NCOR2: variants seen among roughly 807,000 people sequenced by gnomAD.
The protein encoded by NCOR2 is nuclear receptor corepressor 2.
In NCOR2, 81 loss-of-function variants were observed where a neutral mutation model predicts 262.9. That is an observed-to-expected ratio of 0.31 (90% confidence interval 0.26 to 0.37). NCOR2 has a LOEUF of 0.37. NCOR2 is among the 10% of genes least tolerant of loss of function. The pLI is 1.00. For synonymous variants in NCOR2, 1,659 were observed against 1,559.3 expected (o/e 1.06, Z -1.51); for missense variants, 3,385 against 3,621.4 (o/e 0.93, Z 1.68).
chr12:124,439,876 G>T (rs2044713221), intron 7 of NCOR2, among the ~76,000 whole-genome samples: 1 of 152,234 alleles, frequency 6.6e-6, no homozygotes, highest in African/African-American at 2.4e-5. Flanking sequence ...AAAGGGGACA[G>T]GGACCCTGAG....
chr12:124,402,566 C>T lies in NCOR2; in HGVS notation c.1483-5G>A, dbSNP rs765123428. On this transcript the variant is annotated splice_polypyrimidine_tract_variant and splice_region_variant and intron_variant, in intron 13 of 46. Coordinates refer to ENST00000405201, the Ensembl canonical transcript of NCOR2. ...CTGCTGCTGTTGTTGCTGCTGCTGT[C>T]AGACCCCGGGGGAGGGCAGAGGGGA... is the stretch of plus-strand genomic sequence containing the variant. 6.5e-7 allele frequency: 1 copy of T among 1,545,452 alleles called. No homozygotes were observed. The highest frequency in any genetic ancestry group is 8.8e-7 in the Non-Finnish European group (1 of 1,141,932).
intron 13 of NCOR2, among the ~76,000 whole-genome samples, chr12:124,413,963 G>C (rs1283945268): frequency 6.6e-6 from 1 of 151,718 alleles, no homozygotes; most frequent in African/African-American, 2.4e-5. Flanking sequence ...ATATCAGAGG[G>C]TGTCTCCACA....
chr12:124,505,738 C>A (rs2049005550), intron 1 of NCOR2, among the ~76,000 whole-genome samples: 1 of 152,138 alleles, frequency 6.6e-6, no homozygotes, highest in Non-Finnish European at 1.5e-5. Context: ...GAGAGCGTGG[C>A]TGTTACTGCC....
At chr12:124,459,756 C>G (rs934103390) in intron 5 of NCOR2, among the ~76,000 whole-genome samples, 5 of 152,176 alleles carry the variant, frequency 3.3e-5, no homozygotes, top group African/African-American at 1.2e-4. Context: ...ACAGATTCAG[C>G]CTCATGCCAA....
intron 3 of NCOR2, among the ~76,000 whole-genome samples, chr12:124,477,084 G>C: frequency 6.6e-6 from 1 of 152,070 alleles, no homozygotes; most frequent in Non-Finnish European, 1.5e-5. Flanking sequence ...TGGTTGCCAG[G>C]AAAAAGGAGG....
At chr12:124,379,309 C>T (rs1421324650) in intron 17 of NCOR2, among the ~76,000 whole-genome samples, 2 of 152,218 alleles carry the variant, frequency 1.3e-5, no homozygotes, top group Non-Finnish European at 2.9e-5. Flanking sequence ...ACTCTTCTTC[C>T]CCCAGCTTAG....
intron 34 of NCOR2, 107 bp downstream of exon 36, chr12:124,341,716 C>A: frequency 6.7e-7 from 1 of 1,493,882 alleles, no homozygotes; most frequent in Non-Finnish European, 9.0e-7. Context: ...CACAAGGTGA[C>A]CCACAAGGTG....
Position 124,374,314 on chromosome 12 carries a change from C to T in NCOR2, c.2218+99G>A, listed in dbSNP as rs1362065466. 9 of 1,211,238 alleles carry T rather than the reference C, an allele frequency of 7.4e-6. No homozygotes were observed. The East Asian group carries it at 9.8e-5, about 13-fold the overall frequency. The allele number at this position is 1,211,238 out of a possible 1,614,324, so 75.0% of individuals were successfully genotyped here. On this transcript the variant is annotated intron_variant, in intron 19 of 46. Coordinates refer to ENST00000405201, the Ensembl canonical transcript of NCOR2. ...AAACGGTGGCGCTCACAGAAAGAGG[C>T]ATGTGCTCAGAAGCGGGGTTCCTTG... is the stretch of plus-strand genomic sequence containing the variant.
Position 124,502,028 on chromosome 12 carries a change from C to T in NCOR2, c.-117-6660G>A, listed in dbSNP as rs576030163. 2.0e-5 allele frequency among the ~76,000 whole-genome samples: 3 copies of T among 152,348 alleles called. No homozygotes were observed. In the East Asian group the frequency reaches 5.8e-4, roughly 29 times the overall value. ...TGTTGACACCTTGGGTGTTTACTTT[C>T]TGGCGTGCAGTAAAAACTGGGGAAC... is the stretch of plus-strand genomic sequence containing the variant. On this transcript the variant is annotated intron_variant, in intron 1 of 46. Transcript: ENST00000404621.
upstream of NCOR2, among the ~76,000 whole-genome samples, chr12:124,496,691 A>G (rs2048399312): frequency 6.6e-6 from 1 of 152,112 alleles, no homozygotes; most frequent in Non-Finnish European, 1.5e-5. This position sits in a 1 kb window ranked among gnomAD's most constrained non-coding sequence, Gnocchi z 4.4. Flanking sequence ...ACTGCCTCCC[A>G]GGCCCCACCT....
At position 124,566,022 on chromosome 12, in the gene NCOR2, G is replaced by A. The variant is rs1045663127; in HGVS notation, c.-165+1286C>T. Among the ~76,000 whole-genome samples, 1 of 152,126 alleles carries A rather than the reference G, an allele frequency of 6.6e-6. No individual in the cohort carries two copies. The highest frequency in any genetic ancestry group is 1.5e-5 in the Non-Finnish European group (1 of 68,028). On this transcript the variant is annotated intron_variant, in intron 1 of 32. Transcript: ENST00000458234. The surrounding 1 kb of genome is among the most constrained non-coding windows in gnomAD (Gnocchi z 4.3). ...ATATCAAAGCTGCCGCAAGGACCCA[G>A]ATCTGGCTGAAAAGGGGCAAAGTCA...
In NCOR2 at chr12:124,378,292, C is replaced by T. The variant is rs2136070199; in HGVS notation, c.2112G>A (p.Glu704=). The T allele has an allele frequency of 6.2e-7, 1 of 1,614,048 alleles. No homozygotes were observed. Residue 704 remains glutamate, a synonymous_variant, in exon 18 of 47, where the codon GAG becomes GAA. Transcript: ENST00000405201. The surrounding 1 kb of genome is among the most constrained non-coding windows in gnomAD (Gnocchi z 4.2). ...TTCCGCTCACGCCCGACGCCTCCAT[C>T]TCCTCATCCTCCACCACGGGCGGGA...
At position 124,523,841 on chromosome 12, in the gene NCOR2, C is replaced by T. The variant is rs116007516; in HGVS notation, c.-118+11724G>A. ...CAGTGAAGTGACTTGCCCAAGGGGA[C>T]GGGGCTGGGAAGTGGCAATGTCGGT... On this transcript the variant is annotated intron_variant, in intron 1 of 46. Coordinates refer to the NCOR2 transcript ENST00000404621. The surrounding 1 kb of genome is among the most constrained non-coding windows in gnomAD (Gnocchi z 4.0). Among the ~76,000 whole-genome samples, 107 of 152,228 alleles carry T rather than the reference C, an allele frequency of 7.0e-4. No individual in the cohort carries two copies. The highest frequency in any genetic ancestry group is 2.6e-3 in the African/African-American group (106 of 41,536).
In NCOR2 at chr12:124,505,856, G is replaced by A. The variant is rs138036383; in HGVS notation, c.-117-10488C>T. On this transcript the variant is annotated intron_variant, in intron 1 of 46. Coordinates refer to the NCOR2 transcript ENST00000404621. The stretch of plus-strand genomic sequence containing the variant: ...CTTGCAGATAGGCAAACTGAGTCTG[G>A]GAGGAGCCTGTGATTCTCAAGTGAG... Among the ~76,000 whole-genome samples the A allele has an allele frequency of 5.9e-5, 9 of 152,212 alleles. No individual in the cohort carries two copies. The East Asian group carries it at 1.7e-3, about 29-fold the overall frequency.
chr12:124,460,884 C>T (rs1461867027), intron 5 of NCOR2, among the ~76,000 whole-genome samples: 1 of 152,256 alleles, frequency 6.6e-6, no homozygotes, highest in African/African-American at 2.4e-5. Context: ...GACACTGTCT[C>T]CCTGGCTGCC....
intron 22 of NCOR2, among the ~76,000 whole-genome samples, chr12:124,360,742 T>A (rs1366179468): frequency 6.7e-6 from 1 of 149,440 alleles, no homozygotes; most frequent in Non-Finnish European, 1.5e-5. Flanking sequence ...TTCCCTGTGC[T>A]GTTCCCTCTG....
chr12:124,363,440 G>T (rs150407141), intron 21 of NCOR2, among the ~76,000 whole-genome samples: 1 of 152,220 alleles, frequency 6.6e-6, no homozygotes, highest in Non-Finnish European at 1.5e-5. Flanking sequence ...AGGGTGCTGC[G>T]GGGTGGAAGG....
rs12164834 is a variant in NCOR2, at chr12:124,335,130, G to A, written c.6411+5C>T. On this transcript the variant is annotated splice_donor_5th_base_variant and intron_variant, in intron 40 of 46. Coordinates refer to ENST00000405201, the Ensembl canonical transcript of NCOR2. ...GACAAGCAGCAGCAGAGAACGCGTA[G>A]TTACACTGATGTGCTGGGCCAGGGT... 1.2e-6 allele frequency: 2 copies of A among 1,612,238 alleles called. No individual in the cohort carries two copies. Among genetic ancestry groups the A allele is most frequent in the South Asian group, 2.2e-5 (2 of 91,060 alleles).
In NCOR2 at chr12:124,457,288, G is replaced by A. The variant is rs1052468388; in HGVS notation, c.706-126C>T. 9.3e-7 allele frequency: 1 copy of A among 1,076,746 alleles called. No homozygotes were observed. The highest frequency in any genetic ancestry group is 1.3e-6 in the Non-Finnish European group (1 of 777,596). The allele number at this position is 1,076,746 out of a possible 1,614,324, so 66.7% of individuals were successfully genotyped here. ...TCCAGCATGCTGATCCTCAGCACGGGGGAGGGAGGCCCGGGGCCCCCTGCA... is the reference window on the plus strand; with the variant it reads ...TCCAGCATGCTGATCCTCAGCACGGAGGAGGGAGGCCCGGGGCCCCCTGCA... On this transcript the variant is annotated intron_variant, in intron 5 of 46. Coordinates refer to ENST00000405201, the Ensembl canonical transcript of NCOR2. The surrounding 1 kb of genome is among the most constrained non-coding windows in gnomAD (Gnocchi z 4.0).
Sources: allele counts gnomAD v4.1 joint callset (sites outside exome capture counted in the v4.1 genomes callset), GRCh38; gene constraint gnomAD v4.1.1; non-coding constraint Gnocchi (gnomAD v3.1); transcripts MANE v1.5; gene names NCBI Gene and HGNC (gene_info 2026-07-23, HGNC 2026-07-21).